The following LRRC37A variants were observed in gnomAD, a reference collection of about 807,000 sequenced individuals.
LRRC37A encodes leucine-rich repeat-containing protein 37A.
Under a neutral mutation model 35.4 loss-of-function variants are expected in LRRC37A, and 3 were observed. That is an observed-to-expected ratio of 0.08 (90% CI 0.04 to 0.22). LRRC37A has a LOEUF of 0.22. LRRC37A is among the 10% of genes least tolerant of loss of function. The pLI, the probability that LRRC37A is intolerant of heterozygous loss-of-function variation, is 1.00. For synonymous variants in LRRC37A, 23 were observed against 215.0 expected (o/e 0.11, Z 7.81); for missense variants, 67 against 565.3 (o/e 0.12, Z 8.94).
chr17:46,251,713 G>A, the LRRC37A span, among the ~76,000 whole-genome samples: 1 of 150,632 alleles, frequency 6.6e-6, no homozygotes, highest in African/African-American at 2.4e-5. Context: ...AAATACTTAG[G>A]GCCATATCCA....
At chr17:46,250,524 TGA>T in the LRRC37A span, among the ~76,000 whole-genome samples, 6 of 152,190 alleles carry the variant, frequency 3.9e-5, no homozygotes, top group Non-Finnish European at 7.3e-5. Context: ...CAGAAAAATG[TGA>T]GAGACTGGCT....
the LRRC37A span, among the ~76,000 whole-genome samples, chr17:46,287,640 C>T: frequency 2.0e-5 from 3 of 152,240 alleles, no homozygotes; most frequent in African/African-American, 7.2e-5. Flanking sequence ...GCCACTTTTT[C>T]AGTTAATATA....
chr17:46,290,139 T>A (rs1273189823), upstream of LRRC37A, among the ~76,000 whole-genome samples: 2 of 152,126 alleles, frequency 1.3e-5, no homozygotes, highest in Non-Finnish European at 2.9e-5. Context: ...AAAACAAAAC[T>A]TTTTTTTGGA....
At chr17:46,264,389 G>A in the LRRC37A span, among the ~76,000 whole-genome samples, 8 of 152,272 alleles carry the variant, frequency 5.3e-5, no homozygotes, top group East Asian at 5.8e-4. Flanking sequence ...TCTTCCTCCC[G>A]ACAGGTATAC....
At chr17:46,317,141 G>C (rs1390738559) in intron 5 of LRRC37A, among the ~76,000 whole-genome samples, 2 of 87,810 alleles carry the variant, frequency 2.3e-5, no homozygotes, top group Non-Finnish European at 3.4e-5. Flanking sequence ...CCTCCCAGAT[G>C]GGGTGGCGGC....
chr17:46,271,332 ATTTTTT>A, the LRRC37A span, among the ~76,000 whole-genome samples: 5 of 125,664 alleles, frequency 4.0e-5, no homozygotes, highest in Admixed American at 2.5e-4. Flanking sequence ...TACCTAGCTA[ATTTTTT>A]TTTTTTTTTT....
chr17:46,266,170 C>T, the LRRC37A span, among the ~76,000 whole-genome samples: 2 of 152,234 alleles, frequency 1.3e-5, no homozygotes, highest in African/African-American at 2.4e-5. Flanking sequence ...CTTCCACAAA[C>T]CCACGCTGTC....
At chr17:46,251,758 A>G in the LRRC37A span, among the ~76,000 whole-genome samples, 1 of 150,222 alleles carries the variant, frequency 6.7e-6, no homozygotes. Context: ...CTTTGTCCCC[A>G]TGCAGTTTCA....
At chr17:46,267,893 C>CTTTTTTTTGTTTTTTTTTTTTTTTTT in the LRRC37A span, among the ~76,000 whole-genome samples, 1 of 89,282 alleles carries the variant, frequency 1.1e-5, no homozygotes, top group Admixed American at 1.1e-4. Flanking sequence ...ACTCCCACAT[C>CTTTTTTTTGTTTTTTTTTTTTTTTTT]TTTTTTTTTT....
chr17:46,254,211 G>C, the LRRC37A span, among the ~76,000 whole-genome samples: 2 of 152,102 alleles, frequency 1.3e-5, no homozygotes, highest in Non-Finnish European at 2.9e-5. Flanking sequence ...GAACCGAGGA[G>C]AGGAGATGGG....
the LRRC37A span, among the ~76,000 whole-genome samples, chr17:46,269,223 G>A: frequency 0.12 from 18,465 of 152,156 alleles, no homozygotes; most frequent in Non-Finnish European, 0.18. Flanking sequence ...CCAGGACAAG[G>A]ATTAAAATTT....
the LRRC37A span, among the ~76,000 whole-genome samples, chr17:46,261,762 GAAGA>G: frequency 6.6e-6 from 1 of 151,112 alleles, no homozygotes. Context: ...AGAAGAAGAA[GAAGA>G]AAAAGAAACA....
chr17:46,261,660 G>A, the LRRC37A span, among the ~76,000 whole-genome samples: 8 of 151,452 alleles, frequency 5.3e-5, no homozygotes, highest in Non-Finnish European at 8.8e-5. Context: ...TGATCTGCCC[G>A]CCTCGGCCTC....
the LRRC37A span, among the ~76,000 whole-genome samples, chr17:46,255,629 G>A: frequency 6.6e-6 from 1 of 151,422 alleles, no homozygotes; most frequent in Admixed American, 6.6e-5. Flanking sequence ...GCCTCCCAAA[G>A]TGCTGGGATT....
intron 7 of LRRC37A, among the ~76,000 whole-genome samples, chr17:46,323,956 T>A (rs2051552823): frequency 9.8e-6 from 1 of 101,658 alleles, no homozygotes; most frequent in Non-Finnish European, 2.3e-5. Context: ...TATACAAACA[T>A]TATGTCATTT....
At chr17:46,290,744 G>A (rs544246654), upstream of LRRC37A, among the ~76,000 whole-genome samples, 63 of 152,242 alleles carry the variant, frequency 4.1e-4, no homozygotes, top group Non-Finnish European at 8.5e-4. Context: ...ATTGCGCCCA[G>A]CCTCTGAAGC....
the LRRC37A span, among the ~76,000 whole-genome samples, chr17:46,268,335 T>C: frequency 6.6e-6 from 1 of 152,342 alleles, no homozygotes; most frequent in Middle Eastern, 3.4e-3. Context: ...GTTGGTTATC[T>C]TCTAAAGGTC....
chr17:46,276,015 C>T, the LRRC37A span, among the ~76,000 whole-genome samples: 6 of 152,198 alleles, frequency 3.9e-5, no homozygotes, highest in African/African-American at 9.7e-5. Context: ...CTCAGCCTCC[C>T]GAGTAGCTGG....
At chr17:46,288,302 C>T (rs1462595239), upstream of LRRC37A, among the ~76,000 whole-genome samples, 4 of 147,212 alleles carry the variant, frequency 2.7e-5, no homozygotes, top group East Asian at 2.0e-4. Flanking sequence ...CCACCAGGCC[C>T]GGCTTTTTTT....
Sources: gnomAD v4.1 joint callset for allele counts (sites outside exome capture counted in the v4.1 genomes callset) on GRCh38, gnomAD v4.1.1 for gene constraint, MANE v1.5 for transcripts, NCBI Gene and HGNC (gene_info 2026-07-23, HGNC 2026-07-21) for gene names.